CUX2: variants seen among roughly 807,000 people sequenced by gnomAD.
CUX2 encodes cut like homeobox 2, also known as homeobox protein cut-like 2.
CUX2 carries 40 observed loss-of-function variants against 144.8 expected under a neutral mutation model. The observed-to-expected ratio is 0.28, with a 90% CI of 0.21 to 0.36. The LOEUF (loss-of-function observed/expected upper bound fraction) is 0.36, where lower values mean the gene tolerates loss of function less well. CUX2 is among the 10% of genes least tolerant of loss of function. CUX2 has a pLI of 1.00. For synonymous variants in CUX2, 827 were observed against 875.6 expected (o/e 0.94, Z 0.98); for missense variants, 1,615 against 1,994.0 (o/e 0.81, Z 3.62).
Position 111,322,661 on chromosome 12 carries a change from C to T in CUX2, c.2926+81C>T. ...TGGCATGTCCGCCTGGCTTTACTGC[C>T]CGAGTCTACCTATCTCTCCCTCCCT... On this transcript the variant is annotated intron_variant, in intron 18 of 21. Coordinates refer to ENST00000261726, the MANE Select transcript of CUX2 (RefSeq NM_015267.4). The surrounding 1 kb of genome is among the most constrained non-coding windows in gnomAD (Gnocchi z 4.2). 1.3e-6 allele frequency: 2 copies of T among 1,511,272 alleles called. No homozygotes were observed. Among genetic ancestry groups the T allele is most frequent in the South Asian group, 1.2e-5 (1 of 83,960 alleles). The allele number at this position is 1,511,272 out of a possible 1,614,324, so 93.6% of individuals were successfully genotyped here.
intron 1 of CUX2, among the ~76,000 whole-genome samples, chr12:111,056,701 C>T (rs979171625): frequency 6.6e-6 from 1 of 152,182 alleles, no homozygotes; most frequent in Admixed American, 6.5e-5. Context: ...GACGTAGATC[C>T]CACCACTGGG....
At chr12:111,249,870 C>T (rs1260932868) in intron 3 of CUX2, among the ~76,000 whole-genome samples, 2 of 152,174 alleles carry the variant, frequency 1.3e-5, no homozygotes, top group African/African-American at 2.4e-5. Context: ...CGATGACTAA[C>T]ATCTCACATT....
At chr12:111,142,984 G>C (rs916220279) in intron 1 of CUX2, among the ~76,000 whole-genome samples, 4 of 152,148 alleles carry the variant, frequency 2.6e-5, no homozygotes, top group Non-Finnish European at 5.9e-5. Flanking sequence ...GAAGGTGTTC[G>C]CTTTTTTTGG....
chr12:111,075,818 C>G (rs1280587394), intron 1 of CUX2, among the ~76,000 whole-genome samples: 1 of 152,098 alleles, frequency 6.6e-6, no homozygotes, highest in Non-Finnish European at 1.5e-5. Context: ...GCAAGAGGCC[C>G]CTGCCAGGTT....
chr12:111,124,180 T>A (rs1874890398), intron 1 of CUX2, among the ~76,000 whole-genome samples: 1 of 152,172 alleles, frequency 6.6e-6, no homozygotes, highest in Admixed American at 6.5e-5. Context: ...CTCTGAAGGT[T>A]CCTTGAAAAT....
chr12:111,233,211 CA>C (rs1370913339), intron 3 of CUX2, among the ~76,000 whole-genome samples: 2 of 152,178 alleles, frequency 1.3e-5, no homozygotes, highest in Non-Finnish European at 2.9e-5. Flanking sequence ...CCCTGGCCCC[CA>C]GTCTCTCCAT....
intron 1 of CUX2, among the ~76,000 whole-genome samples, chr12:111,185,867 G>A (rs1338800990): frequency 1.3e-5 from 2 of 152,070 alleles, no homozygotes; most frequent in African/African-American, 2.4e-5. Context: ...TGCAATGTAG[G>A]AGCTGCTAGG....
At chr12:111,264,415 A>C (rs117335408) in intron 4 of CUX2, among the ~76,000 whole-genome samples, 1 of 152,298 alleles carries the variant, frequency 6.6e-6, no homozygotes, top group East Asian at 1.9e-4. Context: ...CTAGACTTAC[A>C]AGGGAGTATT....
chr12:111,234,708 TC>T, intron 3 of CUX2, among the ~76,000 whole-genome samples: 1 of 149,334 alleles, frequency 6.7e-6, no homozygotes, highest in South Asian at 2.1e-4. Context: ...GCAAGCCACT[TC>T]CCCTTTCTTT....
At chr12:111,144,640 TGCTCA>T (rs1266303227) in intron 1 of CUX2, among the ~76,000 whole-genome samples, 5 of 152,224 alleles carry the variant, frequency 3.3e-5, no homozygotes, top group Admixed American at 3.3e-4. Flanking sequence ...ATCTCCCTCG[TGCTCA>T]GCTCTGGAGC....
intron 1 of CUX2, among the ~76,000 whole-genome samples, chr12:111,161,003 G>T (rs1201532496): frequency 2.0e-5 from 3 of 152,162 alleles, no homozygotes; most frequent in African/African-American, 7.2e-5. Context: ...TCCCAGAGGG[G>T]TTATCAGGTC....
rs1879785412 is a variant in CUX2, at chr12:111,190,042, C to G, written c.64-24158C>G. Among the ~76,000 whole-genome samples the G allele has an allele frequency of 6.6e-6, 1 of 152,106 alleles. No homozygotes were observed. Among genetic ancestry groups the G allele is most frequent in the Non-Finnish European group, 1.5e-5 (1 of 68,016 alleles). ...TCTGGTGGGTATGTAGCACTATCTC[C>G]TTGTGGCTTAAATTTTCATTTCCTT... On this transcript the variant is annotated intron_variant, in intron 1 of 21. Transcript: ENST00000261726. The surrounding 1 kb of genome is among the most constrained non-coding windows in gnomAD (Gnocchi z 4.0).
In CUX2 at chr12:111,310,391, G is replaced by A. The variant is rs1886833358; in HGVS notation, c.1609G>A (p.Asp537Asn). ...GCCACTGGGCGGTCCTGAGCCCGCG[G>A]ATGGTGGTGGGGGCGGAGCGGCGGG... The part of the protein sequence containing the change: ...PEPLGGPEPA[D>N]GGGGGAAGPG... The change falls in exon 15 of 22, where the codon GAT becomes AAT. Residue 537 changes from aspartate to asparagine, a missense_variant. Coordinates refer to ENST00000261726, the MANE Select transcript of CUX2 (RefSeq NM_015267.4). The surrounding 1 kb of genome is among the most constrained non-coding windows in gnomAD (Gnocchi z 7.9). 1 of 1,606,570 alleles carries A rather than the reference G, an allele frequency of 6.2e-7. No homozygotes were observed. The highest frequency in any genetic ancestry group is 8.5e-7 in the Non-Finnish European group (1 of 1,175,754).
At chr12:111,276,759 T>C (rs915939912) in intron 4 of CUX2, among the ~76,000 whole-genome samples, 1 of 152,204 alleles carries the variant, frequency 6.6e-6, no homozygotes, top group African/African-American at 2.4e-5. Flanking sequence ...GCGATTCTTC[T>C]GCCTCAGCCT....
rs570350203 is a variant in CUX2 at position 111,309,654 on chromosome 12, T to C, written c.1259-387T>C. On this transcript the variant is annotated intron_variant, in intron 14 of 21. Transcript: ENST00000261726. ...TTCTGACTTTCTGTCTCTATATATG[T>C]CTCTGTCTCTCTCTGTCTCTTCCCC... Among the ~76,000 whole-genome samples the C allele has an allele frequency of 3.2e-3, 477 of 149,754 alleles. 5 individuals are homozygous for C. Among genetic ancestry groups the C allele is most frequent in the African/African-American group, 0.01 (415 of 40,690 alleles).
intron 1 of CUX2, among the ~76,000 whole-genome samples, chr12:111,198,808 G>C (rs775745008): frequency 6.6e-6 from 1 of 152,236 alleles, no homozygotes; most frequent in Non-Finnish European, 1.5e-5. Context: ...TGAGAAAGAG[G>C]CTGGCTCATC....
At chr12:111,084,836 G>A (rs1462644424) in intron 1 of CUX2, among the ~76,000 whole-genome samples, 1 of 152,124 alleles carries the variant, frequency 6.6e-6, no homozygotes, top group African/African-American at 2.4e-5. Context: ...CTCTCACTCG[G>A]GCTCCGGGGT....
chr12:111,137,424 G>A (rs932456010), intron 1 of CUX2, among the ~76,000 whole-genome samples: 10 of 152,144 alleles, frequency 6.6e-5, no homozygotes, highest in African/African-American at 2.4e-4. Flanking sequence ...GACACTTTGG[G>A]GAAAGGTAAA....
Position 111,350,183 on chromosome 12 carries a change from C to G in CUX2, c.*1858C>G, listed in dbSNP as rs1263288320. 1 of 152,396 alleles carries G rather than the reference C, an allele frequency of 6.6e-6. No individual in the cohort carries two copies. The highest frequency in any genetic ancestry group is 1.5e-5 in the Non-Finnish European group (1 of 68,018). The allele number at this position is 152,396 out of a possible 1,614,324, so 9.4% of individuals were successfully genotyped here. A position where few individuals can be genotyped will look rare whatever the true frequency, so the allele number is the denominator to read the frequency against. On this transcript the variant is annotated 3_prime_UTR_variant, in exon 22 of 22. Coordinates refer to ENST00000261726, the MANE Select transcript of CUX2 (RefSeq NM_015267.4). Reference sequence around the variant, plus strand: ...ATCAAATCTGGAACAAATGAAACATCTTTTAGCCACCACCACCCTGTTGCA... The same window carrying G: ...ATCAAATCTGGAACAAATGAAACATGTTTTAGCCACCACCACCCTGTTGCA...
Sources: allele counts gnomAD v4.1 joint callset (sites outside exome capture counted in the v4.1 genomes callset), GRCh38; gene constraint gnomAD v4.1.1; non-coding constraint Gnocchi (gnomAD v3.1); transcripts MANE v1.5; gene names NCBI Gene and HGNC (gene_info 2026-07-23, HGNC 2026-07-21).